The following ZBTB20 variants were observed in gnomAD, a reference collection of about 807,000 sequenced individuals.
ZBTB20 encodes zinc finger and BTB domain containing 20.
Under a neutral mutation model 56.9 loss-of-function variants are expected in ZBTB20, and 9 were observed. That is an observed-to-expected ratio of 0.16 (90% CI 0.10 to 0.28). The LOEUF is 0.28. ZBTB20 is among the 10% of genes least tolerant of loss of function. The probability of loss-of-function intolerance (pLI) is 1.00; values close to 1 mark genes in which losing one functional copy is unlikely to be tolerated. For missense variants in ZBTB20, 655 were observed against 1,003.0 expected, an observed-to-expected ratio of 0.65 and a Z score of 4.69; for synonymous variants, 417 against 420.7, an observed-to-expected ratio of 0.99 and a Z score of 0.11.
chr3:114,475,831 T>C (rs1369099937), intron 7 of ZBTB20, among the ~76,000 whole-genome samples: 1 of 152,172 alleles, frequency 6.6e-6, no homozygotes, highest in Non-Finnish European at 1.5e-5. Context: ...CAAATTTGAA[T>C]TGTAGTTCAA....
At chr3:115,010,386 G>A (rs574759967) in intron 2 of ZBTB20, among the ~76,000 whole-genome samples, 19 of 152,066 alleles carry the variant, frequency 1.2e-4, no homozygotes, top group Non-Finnish European at 2.2e-4. Context: ...AAGGGAGCTT[G>A]GGTTACTCCA....
chr3:114,832,761 C>G (rs2073922858), intron 4 of ZBTB20, among the ~76,000 whole-genome samples: 1 of 152,058 alleles, frequency 6.6e-6, no homozygotes, highest in South Asian at 2.1e-4. Flanking sequence ...GTGAACCTGG[C>G]TTCTCCCGCT....
At chr3:114,849,026 A>G (rs188225595) in intron 4 of ZBTB20, among the ~76,000 whole-genome samples, 1 of 152,378 alleles carries the variant, frequency 6.6e-6, no homozygotes, top group East Asian at 1.9e-4. Context: ...ACAGTCCAAC[A>G]TAAAACCTGT....
In ZBTB20 at chr3:114,335,068, G is replaced by A. The variant is rs1374398665; in HGVS notation, c.*3937C>T. 6.6e-6 allele frequency: 1 copy of A among 152,056 alleles called. No homozygotes were observed. Among genetic ancestry groups the A allele is most frequent in the Admixed American group, 6.6e-5 (1 of 15,266 alleles). 9.4% of individuals were successfully genotyped at this position (152,056 alleles called of 1,614,324 possible). A position where few individuals can be genotyped will look rare whatever the true frequency, so the allele number is the denominator to read the frequency against. ...TGAGATAATACCAGTGTTTTTAGTG[G>A]TAGAAAATATTATTTTTTTATAAAC... On this transcript the variant is annotated 3_prime_UTR_variant, in exon 12 of 12. Transcript: ENST00000675478.
At chr3:114,553,662 A>G (rs999022333) in intron 6 of ZBTB20, among the ~76,000 whole-genome samples, 4 of 152,178 alleles carry the variant, frequency 2.6e-5, no homozygotes, top group African/African-American at 9.7e-5. Context: ...GACTGAAATG[A>G]CTTAAACATA....
chr3:114,961,202 TCG>T (rs2077438602), intron 3 of ZBTB20, among the ~76,000 whole-genome samples: 1 of 149,192 alleles, frequency 6.7e-6, no homozygotes, highest in Non-Finnish European at 1.5e-5. Flanking sequence ...CCCACCATAC[TCG>T]TTTTTTTTTT....
intron 4 of ZBTB20, among the ~76,000 whole-genome samples, chr3:114,835,795 AT>A (rs773205227): frequency 2.4e-4 from 37 of 151,956 alleles, no homozygotes; most frequent in African/African-American, 8.4e-4. Flanking sequence ...CCTAGATGAC[AT>A]TTTTTTTCTT....
intron 8 of ZBTB20, among the ~76,000 whole-genome samples, chr3:114,381,845 G>A (rs2084384662): frequency 6.6e-6 from 1 of 152,184 alleles, no homozygotes; most frequent in Admixed American, 6.5e-5. Context: ...TTAGAATAGA[G>A]GTGAGGCTTT....
At chr3:115,108,739 C>T (rs2083793852) in intron 1 of ZBTB20, among the ~76,000 whole-genome samples, 1 of 152,026 alleles carries the variant, frequency 6.6e-6, no homozygotes, top group African/African-American at 2.4e-5. Flanking sequence ...CGGAGTTCCT[C>T]GGAGTGACCA....
chr3:114,710,332 T>C (rs146401206), intron 5 of ZBTB20: 2 of 152,184 alleles, frequency 1.3e-5, no homozygotes, highest in South Asian at 2.1e-4. Flanking sequence ...AAAATACATA[T>C]GCAGAAATAA....
chr3:115,104,315 T>C (rs954764725), intron 1 of ZBTB20, among the ~76,000 whole-genome samples: 1 of 152,122 alleles, frequency 6.6e-6, no homozygotes, highest in African/African-American at 2.4e-5. Context: ...ACTAAACACA[T>C]ATACAATCCA....
intron 6 of ZBTB20, among the ~76,000 whole-genome samples, chr3:114,547,967 T>C (rs2050096341): frequency 6.6e-6 from 1 of 152,256 alleles, no homozygotes; most frequent in Admixed American, 6.5e-5. Context: ...TGACACAATT[T>C]AAAAATCAAT....
chr3:114,945,992 A>C (rs915789771), intron 3 of ZBTB20, among the ~76,000 whole-genome samples: 2 of 145,872 alleles, frequency 1.4e-5, no homozygotes, highest in Non-Finnish European at 3.0e-5. Flanking sequence ...AAATTTGTAC[A>C]AACCAATAAC....
chr3:115,077,246 G>A (rs919184722), intron 1 of ZBTB20, among the ~76,000 whole-genome samples: 3 of 152,246 alleles, frequency 2.0e-5, no homozygotes, highest in Non-Finnish European at 4.4e-5. Context: ...ATTTGCTAAG[G>A]TCTGAATATT....
At chr3:115,115,557 A>C (rs1313116094) in intron 1 of ZBTB20, among the ~76,000 whole-genome samples, 2 of 152,062 alleles carry the variant, frequency 1.3e-5, no homozygotes, top group Admixed American at 1.3e-4. Context: ...TTGTTTTTGC[A>C]AATCTTCAGC....
intron 10 of ZBTB20, among the ~76,000 whole-genome samples, chr3:114,363,969 T>C (rs1048951031): frequency 6.6e-6 from 1 of 152,186 alleles, no homozygotes. Context: ...CAATTCAAGA[T>C]ACAGGCCTAC....
intron 2 of ZBTB20, among the ~76,000 whole-genome samples, chr3:115,053,793 T>C (rs1031441180): frequency 8.5e-5 from 13 of 152,106 alleles, no homozygotes; most frequent in Admixed American, 3.9e-4. Context: ...ATGAAACTTC[T>C]AGGAGATGTA....
At position 114,505,330 on chromosome 3, in the gene ZBTB20, A is replaced by G. The variant is rs76728161; in HGVS notation, c.-294-4939T>C. On this transcript the variant is annotated intron_variant, in intron 6 of 11. Coordinates refer to ENST00000675478, the MANE Select transcript of ZBTB20 (RefSeq NM_001348800.3). ...ATAGTGCAATTGAAAAAAAGGGAAA[A>G]TAAGTAATCATAACTCACACCAAAA... Among the ~76,000 whole-genome samples, 85 of 152,328 alleles carry G rather than the reference A, an allele frequency of 5.6e-4. No individual in the cohort carries two copies. In the East Asian group the frequency reaches 0.014, roughly 26 times the overall value.
At chr3:114,892,697 C>T (rs943654551) in intron 4 of ZBTB20, among the ~76,000 whole-genome samples, 1 of 152,124 alleles carries the variant, frequency 6.6e-6, no homozygotes, top group Non-Finnish European at 1.5e-5. Context: ...GACCACATGC[C>T]AGCTACAGCT....
Sources: allele counts gnomAD v4.1 joint callset (sites outside exome capture counted in the v4.1 genomes callset), GRCh38; gene constraint gnomAD v4.1.1; transcripts MANE v1.5; gene names NCBI Gene and HGNC (gene_info 2026-07-23, HGNC 2026-07-21).